ATP8A2: variants seen among roughly 807,000 people sequenced by gnomAD.
ATP8A2 encodes the protein ATPase phospholipid transporting 8A2, also known as phospholipid-transporting ATPase IB.
Under a neutral mutation model 165.6 loss-of-function variants are expected in ATP8A2, and 100 were observed. The observed-to-expected ratio is 0.60, with a 90% CI of 0.51 to 0.71. The LOEUF is 0.71. Among genes scored for constraint, ATP8A2 ranks in the 30% least tolerant of loss-of-function variants. The probability of loss-of-function intolerance (pLI) is 0.00; values close to 1 mark genes in which losing one functional copy is unlikely to be tolerated. For missense variants in ATP8A2, 1,227 were observed against 1,479.5 expected, an observed-to-expected ratio of 0.83 and a Z score of 2.80; for synonymous variants, 543 against 548.8, an observed-to-expected ratio of 0.99 and a Z score of 0.15.
chr13:25,698,220 G>C (rs186530087), intron 24 of ATP8A2, among the ~76,000 whole-genome samples: 1 of 143,004 alleles, frequency 7.0e-6, no homozygotes, highest in Non-Finnish European at 1.5e-5. Context: ...AAACAAGAAC[G>C]TCTGTTTTTT....
chr13:25,554,661 C>T (rs1272901757), intron 12 of ATP8A2, among the ~76,000 whole-genome samples: 4 of 151,660 alleles, frequency 2.6e-5, no homozygotes, highest in African/African-American at 7.3e-5. Flanking sequence ...TGGGTTCAAG[C>T]GATTCTCATG....
Position 25,798,851 on chromosome 13 carries a change from C to T in ATP8A2, c.2679+23892C>T, listed in dbSNP as rs549182942. Among the ~76,000 whole-genome samples the T allele has an allele frequency of 2.0e-5, 3 of 152,114 alleles. No individual in the cohort carries two copies. The South Asian group carries it at 6.2e-4, about 32-fold the overall frequency. On this transcript the variant is annotated intron_variant, in intron 27 of 36. Transcript: ENST00000381655. ...TACCTCTATCCTCTTAGGGTCCTGG[C>T]TGGGCCTGAGAATTAAATGGACATG...
intron 5 of ATP8A2, 65 bp downstream of exon 5, chr13:25,532,382 A>T: frequency 9.0e-7 from 1 of 1,116,974 alleles, no homozygotes; most frequent in Non-Finnish European, 1.3e-6. Flanking sequence ...GCATTTAAGG[A>T]ATTTTAAATA....
At chr13:25,712,998 A>T (rs1481725972) in intron 25 of ATP8A2, among the ~76,000 whole-genome samples, 1 of 152,232 alleles carries the variant, frequency 6.6e-6, no homozygotes, top group Non-Finnish European at 1.5e-5. Context: ...TTAGTTTACT[A>T]TACCATGTCT....
intron 33 of ATP8A2, among the ~76,000 whole-genome samples, chr13:25,920,664 A>T (rs1954423718): frequency 6.6e-6 from 1 of 152,174 alleles, no homozygotes; most frequent in South Asian, 2.1e-4. Flanking sequence ...ATGGAGGCCC[A>T]TCCTGCAGCT....
intron 24 of ATP8A2, among the ~76,000 whole-genome samples, chr13:25,651,449 A>T (rs2041810384): frequency 6.6e-6 from 1 of 152,176 alleles, no homozygotes; most frequent in African/African-American, 2.4e-5. Flanking sequence ...CAAAAAAAAA[A>T]AAATTATTCA....
chr13:25,687,723 C>A (rs190368893), intron 24 of ATP8A2, among the ~76,000 whole-genome samples: 40 of 152,248 alleles, frequency 2.6e-4, no homozygotes, highest in Non-Finnish European at 5.6e-4. Context: ...CTGGTCCTCT[C>A]ACCATTCACC....
At chr13:25,409,052 A>G (rs1335186524) in intron 1 of ATP8A2, among the ~76,000 whole-genome samples, 1 of 152,182 alleles carries the variant, frequency 6.6e-6, no homozygotes, top group Non-Finnish European at 1.5e-5. Context: ...ATTTTTCTGT[A>G]CTAGTATGCC....
In ATP8A2 at chr13:25,953,566, C is replaced by T. The variant is rs577080707; in HGVS notation, c.3184-8009C>T. Among the ~76,000 whole-genome samples the T allele has an allele frequency of 8.9e-5, 13 of 145,394 alleles. No individual in the cohort carries two copies. The highest frequency in any genetic ancestry group is 2.2e-4 in the South Asian group (1 of 4,492). ...AAAAAAGCAAGGGAAATAGGCAAGA[C>T]GGCCAAATAGGAACAGCTCCAGTCT... On this transcript the variant is annotated intron_variant, in intron 33 of 36. Transcript: ENST00000381655. This position sits in a 1 kb window ranked among gnomAD's most constrained non-coding sequence, Gnocchi z 6.7.
chr13:25,871,889 G>A (rs954641101), intron 33 of ATP8A2, among the ~76,000 whole-genome samples: 1 of 152,112 alleles, frequency 6.6e-6, no homozygotes, highest in Non-Finnish European at 1.5e-5. Flanking sequence ...TTCAATGCAG[G>A]ATGGAAACTG....
rs2038999825 is a variant in ATP8A2, at chr13:25,556,950, TAGAAA to T, written c.1263+1884_1263+1888del. Among the ~76,000 whole-genome samples the T allele has an allele frequency of 3.9e-5, 6 of 152,312 alleles. No individual in the cohort carries two copies. In the South Asian group the frequency reaches 1.2e-3, roughly 32 times the overall value. Reference sequence around the variant, plus strand: ...CGACATGGCTCATTGATCTGAGGGTTAGAAAAACTCCCTTATGGAGGTAGGCTTGC... The same window carrying T: ...CGACATGGCTCATTGATCTGAGGGTTAACTCCCTTATGGAGGTAGGCTTGC... On this transcript the variant is annotated intron_variant, in intron 13 of 36. Coordinates refer to ENST00000381655, the MANE Select transcript of ATP8A2 (RefSeq NM_016529.6).
In ATP8A2 at chr13:25,869,017, C is replaced by T. The variant is rs1007980203; in HGVS notation, c.3183+6609C>T. 5.1e-5 allele frequency among the ~76,000 whole-genome samples: 7 copies of T among 138,330 alleles called. No individual in the cohort carries two copies. In the East Asian group the frequency reaches 6.4e-4, roughly 13 times the overall value. The allele number at this position is 138,330 out of a possible 152,430, so 90.7% of individuals were successfully genotyped here. On this transcript the variant is annotated intron_variant, in intron 33 of 36. Transcript: ENST00000381655. ...CCAGGAGGCGGAGCTTGCAGTGAGCCGAGATCGCGCCACTGCACTCCAGCC... is the reference window on the plus strand; with the variant it reads ...CCAGGAGGCGGAGCTTGCAGTGAGCTGAGATCGCGCCACTGCACTCCAGCC...
At chr13:25,787,453 A>G (rs1319180591) in intron 27 of ATP8A2, among the ~76,000 whole-genome samples, 2 of 152,182 alleles carry the variant, frequency 1.3e-5, no homozygotes, top group Non-Finnish European at 2.9e-5. Flanking sequence ...TTATTCATTC[A>G]CCTGTTGAAG....
intron 34 of ATP8A2, among the ~76,000 whole-genome samples, chr13:25,965,713 G>A (rs1025563976): frequency 6.6e-6 from 1 of 152,104 alleles, no homozygotes; most frequent in Non-Finnish European, 1.5e-5. Flanking sequence ...CAAGCTCAAG[G>A]CCACTGAACA....
At chr13:25,878,125 G>A (rs1009567042) in intron 33 of ATP8A2, among the ~76,000 whole-genome samples, 13 of 152,150 alleles carry the variant, frequency 8.5e-5, no homozygotes, top group African/African-American at 2.4e-4. Context: ...GTTCTGTAGC[G>A]TGAAGAAGAC....
Position 25,439,785 on chromosome 13 carries a change from A to G in ATP8A2, c.77-29192A>G, listed in dbSNP as rs1426027168. On this transcript the variant is annotated intron_variant, in intron 1 of 36. Transcript: ENST00000381655. ...GCCGGTCATGATGGTGTGCACCTGT[A>G]GTCCCCAGCTACTTGGGACGCTGAG... 5.9e-5 allele frequency among the ~76,000 whole-genome samples: 9 copies of G among 152,184 alleles called. No individual in the cohort carries two copies. The East Asian group carries it at 1.7e-3, about 29-fold the overall frequency.
At chr13:25,962,712 A>G (rs1362158880) in intron 34 of ATP8A2, among the ~76,000 whole-genome samples, 5 of 152,158 alleles carry the variant, frequency 3.3e-5, no homozygotes, top group Non-Finnish European at 7.3e-5. Flanking sequence ...TGAGACTTTA[A>G]TCCAAACCTT....
At position 25,698,098 on chromosome 13, in the gene ATP8A2, T is replaced by G. The variant is rs1362723270; in HGVS notation, c.2212-1075T>G. Reference sequence around the variant, plus strand: ...TAGTCGTCTTCCAGACAGAATAATTTCAGCAGAATTCTGTGCTTCCCAATT... The same window carrying G: ...TAGTCGTCTTCCAGACAGAATAATTGCAGCAGAATTCTGTGCTTCCCAATT... On this transcript the variant is annotated intron_variant, in intron 24 of 36. Coordinates refer to ENST00000381655, the MANE Select transcript of ATP8A2 (RefSeq NM_016529.6). Among the ~76,000 whole-genome samples the G allele has an allele frequency of 3.9e-5, 6 of 152,254 alleles. No homozygotes were observed. The East Asian group carries it at 9.6e-4, about 24-fold the overall frequency.
intron 24 of ATP8A2, among the ~76,000 whole-genome samples, chr13:25,627,951 T>G (rs150996402): frequency 4.6e-5 from 7 of 152,252 alleles, no homozygotes; most frequent in African/African-American, 1.4e-4. Context: ...CAATGAAAAT[T>G]TTACCTGTCA....
Sources: gnomAD v4.1 joint callset for allele counts (sites outside exome capture counted in the v4.1 genomes callset) on GRCh38, gnomAD v4.1.1 for gene constraint, Gnocchi (gnomAD v3.1) non-coding constraint, MANE v1.5 for transcripts, NCBI Gene and HGNC (gene_info 2026-07-23, HGNC 2026-07-21) for gene names.